Variants in ZNRF3 observed in about 807,000 individuals in gnomAD.
The protein encoded by ZNRF3 is zinc and ring finger 3.
A neutral mutation model predicts 72.5 loss-of-function variants in ZNRF3; 23 were observed. That is an observed-to-expected ratio of 0.32 (90% CI 0.23 to 0.45). The LOEUF (loss-of-function observed/expected upper bound fraction) is 0.45, where lower values mean the gene tolerates loss of function less well. ZNRF3 is among the 20% of genes least tolerant of loss of function. The probability of loss-of-function intolerance (pLI) is 1.00; values close to 1 mark genes in which losing one functional copy is unlikely to be tolerated. For synonymous variants in ZNRF3, 610 were observed against 545.3 expected, an observed-to-expected ratio of 1.12 and a Z score of -1.65; for missense variants, 1,169 against 1,272.1, an observed-to-expected ratio of 0.92 and a Z score of 1.23.
At chr22:28,949,837 GA>G (rs1459672784) in intron 1 of ZNRF3, among the ~76,000 whole-genome samples, 3 of 152,124 alleles carry the variant, frequency 2.0e-5, no homozygotes, top group Admixed American at 1.3e-4. Flanking sequence ...GGTGTTCCGT[GA>G]AAAAAGTTGA....
intron 8 of ZNRF3, among the ~76,000 whole-genome samples, chr22:29,052,433 G>A (rs757308880): frequency 3.9e-5 from 6 of 152,164 alleles, no homozygotes; most frequent in Non-Finnish European, 7.4e-5. Context: ...GGTGATTCAC[G>A]CCTGTAATCC....
Position 28,908,754 on chromosome 22 carries a change from A to G in ZNRF3, c.300+24688A>G, listed in dbSNP as rs1276800076. On this transcript the variant is annotated intron_variant, in intron 1 of 8. Coordinates refer to ENST00000544604, the MANE Select transcript of ZNRF3 (RefSeq NM_001206998.2). ...AAAGAAGGCCTGCATTAATAATACA[A>G]TGATAAGACCTGTGCTTTCAGTTTG... 3.3e-5 allele frequency among the ~76,000 whole-genome samples: 5 copies of G among 152,194 alleles called. No homozygotes were observed. In the East Asian group the frequency reaches 9.6e-4, roughly 29 times the overall value.
intron 2 of ZNRF3, among the ~76,000 whole-genome samples, chr22:29,040,651 G>A (rs1436515658): frequency 6.6e-6 from 1 of 152,198 alleles, no homozygotes; most frequent in Non-Finnish European, 1.5e-5. Flanking sequence ...ACAGGGTGTG[G>A]TGGACAATCG....
intron 6 of ZNRF3, 117 bp downstream of exon 6, chr22:29,047,000 C>T (rs768646158): frequency 1.1e-5 from 11 of 1,039,124 alleles, no homozygotes; most frequent in African/African-American, 3.3e-5. Flanking sequence ...CTTTTAGAGT[C>T]ACTCTTCTGA....
At chr22:29,007,063 G>A (rs555921795) in intron 2 of ZNRF3, among the ~76,000 whole-genome samples, 4 of 152,292 alleles carry the variant, frequency 2.6e-5, no homozygotes, top group Admixed American at 2.0e-4. Context: ...CAGTATCCCC[G>A]GAGAGAATTG....
intron 2 of ZNRF3, among the ~76,000 whole-genome samples, chr22:29,032,864 A>G (rs2036788543): frequency 6.6e-6 from 1 of 152,252 alleles, no homozygotes; most frequent in African/African-American, 2.4e-5. Context: ...GTGTGATGTC[A>G]TAAGTGCCAC....
chr22:29,024,223 C>T (rs1478608389), intron 2 of ZNRF3, among the ~76,000 whole-genome samples: 1 of 151,268 alleles, frequency 6.6e-6, no homozygotes, highest in African/African-American at 2.4e-5. Context: ...CCCAACTCCA[C>T]CTTTCTGTGG....
In ZNRF3 at chr22:28,922,946, C is replaced by T. The variant is rs1441526142; in HGVS notation, c.300+38880C>T. 3.3e-5 allele frequency among the ~76,000 whole-genome samples: 5 copies of T among 152,146 alleles called. No homozygotes were observed. In the South Asian group the frequency reaches 8.3e-4, roughly 25 times the overall value. ...TGCTCCCTTTTTAAAATGTGGAAAC[C>T]GGCTTGGAGAAGTTAAGTGACTTAT... On this transcript the variant is annotated intron_variant, in intron 1 of 8. Coordinates refer to ENST00000544604, the MANE Select transcript of ZNRF3 (RefSeq NM_001206998.2).
intron 2 of ZNRF3, among the ~76,000 whole-genome samples, chr22:29,040,483 C>T (rs1477799954): frequency 2.0e-5 from 3 of 151,996 alleles, no homozygotes; most frequent in African/African-American, 7.2e-5. Flanking sequence ...GCCCAGCCAT[C>T]CCCCACCGCC....
rs188459373 is a variant in ZNRF3, at chr22:28,926,732, G to A, written c.300+42666G>A. 1.5e-3 allele frequency among the ~76,000 whole-genome samples: 230 copies of A among 149,920 alleles called. 1 individual carries two copies. Among genetic ancestry groups the A allele is most frequent in the Non-Finnish European group, 2.1e-3 (143 of 67,664 alleles). ...GAGAATCGCTTGAACCTGGGAGGCG[G>A]AGGTTACAGTGAGCCAAGATTGCAC... is the stretch of plus-strand genomic sequence containing the variant. On this transcript the variant is annotated intron_variant, in intron 1 of 8. Coordinates refer to ENST00000544604, the MANE Select transcript of ZNRF3 (RefSeq NM_001206998.2).
chr22:28,920,298 T>C (rs1339795478), intron 1 of ZNRF3, among the ~76,000 whole-genome samples: 2 of 150,172 alleles, frequency 1.3e-5, no homozygotes, highest in Admixed American at 1.3e-4. Flanking sequence ...TGAGACAGAG[T>C]CTCGCTCTGT....
intron 1 of ZNRF3, among the ~76,000 whole-genome samples, chr22:28,962,053 A>G (rs1321092022): frequency 6.6e-6 from 1 of 152,238 alleles, no homozygotes; most frequent in Non-Finnish European, 1.5e-5. Flanking sequence ...ATAGGGAAGT[A>G]TTAGATTTCA....
chr22:28,895,003 A>G (rs2033963702), intron 1 of ZNRF3, among the ~76,000 whole-genome samples: 1 of 152,130 alleles, frequency 6.6e-6, no homozygotes, highest in South Asian at 2.1e-4. Flanking sequence ...CGCATTGCCC[A>G]GCTTACTTCC....
At chr22:28,902,138 T>C (rs1202146738) in intron 1 of ZNRF3, among the ~76,000 whole-genome samples, 1 of 152,052 alleles carries the variant, frequency 6.6e-6, no homozygotes, top group Non-Finnish European at 1.5e-5. Context: ...GGTTTTACCA[T>C]GTTGGCCAGG....
chr22:28,918,539 TGTGTGTGTG>T (rs1174061918), intron 1 of ZNRF3, among the ~76,000 whole-genome samples: 1 of 1,026 alleles, frequency 9.7e-4, no homozygotes, highest in Non-Finnish European at 3.8e-3. Flanking sequence ...CATGTGTGCG[TGTGTGTGTG>T]TGTGTGTGTG....
At chr22:29,044,215 A>T (rs544237440) in intron 4 of ZNRF3, among the ~76,000 whole-genome samples, 63 of 152,316 alleles carry the variant, frequency 4.1e-4, no homozygotes, top group African/African-American at 1.5e-3. Context: ...GTGAGGTTTT[A>T]GGAGGCAGTG....
chr22:29,049,824 G>A lies in ZNRF3; in HGVS notation c.1643G>A (p.Gly548Asp). 3 of 1,608,870 alleles carry A rather than the reference G, an allele frequency of 1.9e-6. No individual in the cohort carries two copies. The highest frequency in any genetic ancestry group is 2.5e-6 in the Non-Finnish European group (3 of 1,177,590). Residue 548 changes from glycine (G) to aspartate (D), a missense_variant, in exon 8 of 9, where the codon GGC becomes GAC. By Grantham distance (94) the Gly-to-Asp change is moderately conservative. Coordinates refer to ENST00000544604, the MANE Select transcript of ZNRF3 (RefSeq NM_001206998.2). This position sits in a 1 kb window ranked among gnomAD's most constrained non-coding sequence, Gnocchi z 5.2. Reference protein sequence around the residue: ...VCSGYLADCPGSDSSSSSSSG... With the variant: ...VCSGYLADCPDSDSSSSSSSG... ...AGTGGCTACCTGGCCGACTGCCCAGGCAGCGACAGCAGCAGCAGCAGCAGC... is the reference window on the plus strand; with the variant it reads ...AGTGGCTACCTGGCCGACTGCCCAGACAGCGACAGCAGCAGCAGCAGCAGC...
intron 1 of ZNRF3, among the ~76,000 whole-genome samples, chr22:28,950,564 C>T (rs948453646): frequency 9.9e-5 from 15 of 152,196 alleles, no homozygotes; most frequent in African/African-American, 2.9e-4. Context: ...ACAAGAAAAG[C>T]ACCTCTTCAC....
At chr22:28,980,227 AG>A (rs530293818) in intron 1 of ZNRF3, among the ~76,000 whole-genome samples, 2 of 141,040 alleles carry the variant, frequency 1.4e-5, no homozygotes, top group African/African-American at 5.2e-5. Flanking sequence ...GGGTGGGTGG[AG>A]GGGGGGAAGG....
Sources: allele counts gnomAD v4.1 joint callset (sites outside exome capture counted in the v4.1 genomes callset), GRCh38; gene constraint gnomAD v4.1.1; non-coding constraint Gnocchi (gnomAD v3.1); transcripts MANE v1.5; gene names NCBI Gene and HGNC (gene_info 2026-07-23, HGNC 2026-07-21).